COP1: variants seen among roughly 807,000 people sequenced by gnomAD.
COP1 encodes COP1 E3 ubiquitin ligase.
A neutral mutation model predicts 101.3 loss-of-function variants in COP1; 24 were observed. The observed-to-expected ratio is 0.24, with a 90% CI of 0.17 to 0.33. The LOEUF (loss-of-function observed/expected upper bound fraction) is 0.33, where lower values mean the gene tolerates loss of function less well. Ranked by LOEUF, COP1 falls within the 10% of genes least tolerant of loss-of-function variation. The pLI, the probability that COP1 is intolerant of heterozygous loss-of-function variation, is 1.00. For missense variants in COP1, 663 were observed against 906.2 expected, an observed-to-expected ratio of 0.73 and a Z score of 3.45; for synonymous variants, 347 against 341.9, an observed-to-expected ratio of 1.01 and a Z score of -0.17.
intron 3 of COP1, among the ~76,000 whole-genome samples, chr1:176,166,188 G>C (rs1258185870): frequency 6.6e-6 from 1 of 152,034 alleles, no homozygotes; most frequent in Non-Finnish European, 1.5e-5. Context: ...GTGCAGTGGC[G>C]TGATCTTGGC....
At chr1:176,121,116 C>A (rs1257704907) in intron 8 of COP1, among the ~76,000 whole-genome samples, 1 of 151,814 alleles carries the variant, frequency 6.6e-6, no homozygotes, top group African/African-American at 2.4e-5. Context: ...CCAAGTGGGG[C>A]TACAAATAAA....
intron 11 of COP1, among the ~76,000 whole-genome samples, chr1:176,059,939 G>C (rs576552856): frequency 6.6e-6 from 1 of 152,198 alleles, no homozygotes; most frequent in South Asian, 2.1e-4. Context: ...CAAGCAATGA[G>C]TTGAAATTTG....
At chr1:176,053,735 T>C (rs1672967892) in intron 11 of COP1, among the ~76,000 whole-genome samples, 1 of 152,202 alleles carries the variant, frequency 6.6e-6, no homozygotes, top group South Asian at 2.1e-4. Flanking sequence ...GATCTAAAAA[T>C]CTATGGAACC....
chr1:176,088,798 C>T (rs1158581158), intron 9 of COP1, among the ~76,000 whole-genome samples: 3 of 150,990 alleles, frequency 2.0e-5, no homozygotes, highest in Non-Finnish European at 4.4e-5. Context: ...CAGTTCAAGA[C>T]CAGCCTGACC....
intron 14 of COP1, among the ~76,000 whole-genome samples, chr1:176,033,996 G>A (rs1447011515): frequency 6.6e-6 from 1 of 152,106 alleles, no homozygotes; most frequent in African/African-American, 2.4e-5. Context: ...ATACTCTTAA[G>A]ATGGGCTTAA....
chr1:176,140,471 G>T (rs572423932), intron 6 of COP1, among the ~76,000 whole-genome samples: 1 of 152,242 alleles, frequency 6.6e-6, no homozygotes. Context: ...AATTTGAGGT[G>T]TTTCCATTTT....
At chr1:176,093,297 T>A (rs966714775) in intron 9 of COP1, among the ~76,000 whole-genome samples, 2 of 152,214 alleles carry the variant, frequency 1.3e-5, no homozygotes, top group Non-Finnish European at 2.9e-5. Context: ...GCCAGTTCCA[T>A]AAAAGTTTTG....
At chr1:176,081,015 C>A in intron 11 of COP1, 137 bp downstream of exon 11, 1 of 744,502 alleles carries the variant, frequency 1.3e-6, no homozygotes, top group Non-Finnish European at 2.2e-6. Context: ...CAGGAACTTG[C>A]CTAAAATCAC....
At chr1:176,085,479 A>G (rs565257835) in intron 10 of COP1, among the ~76,000 whole-genome samples, 123 of 152,318 alleles carry the variant, frequency 8.1e-4, no homozygotes, top group African/African-American at 2.9e-3. Flanking sequence ...AATGTTAAAT[A>G]GGAGGCAACT....
At chr1:176,005,461 T>C (rs1204108987) in intron 15 of COP1, among the ~76,000 whole-genome samples, 11 of 152,154 alleles carry the variant, frequency 7.2e-5, no homozygotes, top group Non-Finnish European at 1.5e-4. Flanking sequence ...CAATTTTGGA[T>C]CTTTCCTGCT....
chr1:176,030,145 G>A (rs1668417427), intron 14 of COP1, among the ~76,000 whole-genome samples: 1 of 152,110 alleles, frequency 6.6e-6, no homozygotes, highest in Non-Finnish European at 1.5e-5. Flanking sequence ...TAGAGATGGA[G>A]TAAGATTTTT....
intron 11 of COP1, among the ~76,000 whole-genome samples, chr1:176,077,837 T>C (rs1272513443): frequency 6.6e-6 from 1 of 152,168 alleles, no homozygotes; most frequent in Non-Finnish European, 1.5e-5. Context: ...CAAAACTTGG[T>C]AGCATTTCCA....
intron 3 of COP1, among the ~76,000 whole-genome samples, chr1:176,166,370 G>A (rs1327963925): frequency 1.3e-5 from 2 of 152,070 alleles, no homozygotes; most frequent in African/African-American, 2.4e-5. Context: ...CGAGTGATCC[G>A]TCTACCTTGG....
chr1:175,974,083 C>T (rs920317389), intron 18 of COP1, among the ~76,000 whole-genome samples: 1 of 152,146 alleles, frequency 6.6e-6, no homozygotes, highest in Non-Finnish European at 1.5e-5. Flanking sequence ...TGGGGAAACA[C>T]TAACAGATTT....
intron 2 of COP1, among the ~76,000 whole-genome samples, chr1:176,180,418 A>T (rs1697585274): frequency 6.6e-6 from 1 of 152,190 alleles, no homozygotes; most frequent in Non-Finnish European, 1.5e-5. Context: ...GGATACTAAG[A>T]GAAGGATAAG....
At chr1:176,109,230 C>T (rs1251298657) in intron 9 of COP1, among the ~76,000 whole-genome samples, 1 of 152,072 alleles carries the variant, frequency 6.6e-6, no homozygotes, top group African/African-American at 2.4e-5. Flanking sequence ...GTTTGTGGTG[C>T]TTTCTTATAT....
intron 11 of COP1, among the ~76,000 whole-genome samples, chr1:176,053,881 A>C (rs1672990503): frequency 6.6e-6 from 1 of 151,804 alleles, no homozygotes; most frequent in Admixed American, 6.6e-5. Flanking sequence ...TTTGTACTTT[A>C]CCTCCCTGGC....
At chr1:176,152,150 G>A (rs921727287) in intron 5 of COP1, among the ~76,000 whole-genome samples, 2 of 151,978 alleles carry the variant, frequency 1.3e-5, no homozygotes, top group African/African-American at 2.4e-5. Flanking sequence ...AACTAGCTGG[G>A]CATAGTGGCA....
intron 11 of COP1, among the ~76,000 whole-genome samples, chr1:176,064,352 C>T (rs1225669555): frequency 6.6e-6 from 1 of 152,112 alleles, no homozygotes; most frequent in East Asian, 1.9e-4. Flanking sequence ...ATTTCCAGGA[C>T]ATATGTATAT....
Sources: allele counts gnomAD v4.1 joint callset (sites outside exome capture counted in the v4.1 genomes callset), GRCh38; gene constraint gnomAD v4.1.1; transcripts MANE v1.5; gene names NCBI Gene and HGNC (gene_info 2026-07-23, HGNC 2026-07-21).